The following BAHCC1 variants were observed in gnomAD, a reference collection of about 807,000 sequenced individuals.
The protein encoded by BAHCC1 is BAH and coiled-coil domain-containing protein 1.
Under a neutral mutation model 88.2 loss-of-function variants are expected in BAHCC1, and 43 were observed. The ratio of observed to expected loss-of-function variants is 0.49; its 90% CI spans 0.38 to 0.63. The LOEUF (loss-of-function observed/expected upper bound fraction) is 0.63. Ranked by LOEUF, BAHCC1 falls within the 20% of genes least tolerant of loss-of-function variation. The pLI is 0.00. For synonymous variants in BAHCC1, 1,510 were observed against 745.5 expected (o/e 2.03, Z -16.71); for missense variants, 3,023 against 1,654.8 (o/e 1.83, Z -14.34).
Position 81,458,265 on chromosome 17 carries a change from G to C in BAHCC1, c.5142G>C (p.Arg1714Ser), listed in dbSNP as rs370941292. 1.3e-6 allele frequency: 1 copy of C among 745,922 alleles called. No individual in the cohort carries two copies. The highest frequency in any genetic ancestry group is 1.7e-5 in the African/African-American group (1 of 58,416). The allele number at this position is 745,922 out of a possible 1,614,324, so 46.2% of individuals were successfully genotyped here. The change falls in exon 18 of 28, where the codon AGG (arginine) becomes AGC (serine). Residue 1714 changes from arginine to serine, a missense_variant. Coordinates refer to ENST00000675386, the MANE Select transcript of BAHCC1 (RefSeq NM_001377448.1). ...GTTLERAPGQ[R>S]PPGALGKKKA... ...CCCTGGAGCGGGCCCCAGGGCAGAGGCCCCCAGGTGCGCTGGGCAAGAAGA... is the reference window on the plus strand; with the variant it reads ...CCCTGGAGCGGGCCCCAGGGCAGAGCCCCCCAGGTGCGCTGGGCAAGAAGA...
rs373674056 is a variant in BAHCC1, at chr17:81,461,608, C to T, written c.6945C>T (p.Ser2315=). Residue 2315 remains serine, a synonymous_variant, in exon 26 of 28, where the codon TCC becomes TCT. Transcript: ENST00000675386. ...CCTCCCGCTTCCTCGCCCGCCTGTC[C>T]GTGTCCTCTTCCTCCTCTGGCTCGT... ...GVPSRFLARL[S]VSSSSSGSST... 3.0e-5 allele frequency: 22 copies of T among 736,856 alleles called. No homozygotes were observed. The highest frequency in any genetic ancestry group is 1.7e-4 in the African/African-American group (10 of 58,200). The allele number at this position is 736,856 out of a possible 1,614,324, so 45.6% of individuals were successfully genotyped here.
chr17:81,451,858 C>G lies in BAHCC1; in HGVS notation c.4167C>G (p.Pro1389=), dbSNP rs1555655872. 6.7e-6 allele frequency: 5 copies of G among 741,942 alleles called. No homozygotes were observed. The highest frequency in any genetic ancestry group is 1.4e-5 in the South Asian group (1 of 70,914). 46.0% of individuals were successfully genotyped at this position (741,942 alleles called of 1,614,324 possible). The change falls in exon 12 of 28, where the codon CCC becomes CCG. Residue 1389 remains proline, a synonymous_variant. Transcript: ENST00000675386. ...QILQRKDTWT[P]KTKPVCPLKA... ...TGCAGCGCAAGGACACCTGGACCCC[C>G]AAGACCAAGCCTGTGAGTGGAGGTC...
intron 2 of BAHCC1, among the ~76,000 whole-genome samples, chr17:81,419,702 G>A (rs962614264): frequency 3.9e-5 from 6 of 152,198 alleles, no homozygotes; most frequent in African/African-American, 1.2e-4. Context: ...CCAGCAGCCC[G>A]GCAGCTGGGC....
chr17:81,425,770 G>C (rs111211160), intron 2 of BAHCC1, among the ~76,000 whole-genome samples: 2,478 of 139,910 alleles, frequency 0.018, 41 homozygotes, highest in African/African-American at 0.04. Context: ...TGGTGGTGAT[G>C]TGGTTGGTGA....
In BAHCC1 at chr17:81,444,843, C is replaced by T. The variant is rs1555653886; in HGVS notation, c.2671+17C>T. 1 of 768,972 alleles carries T rather than the reference C, an allele frequency of 1.3e-6. No individual in the cohort carries two copies. The allele number at this position is 768,972 out of a possible 1,614,324, so 47.6% of individuals were successfully genotyped here. A position where few individuals can be genotyped will look rare whatever the true frequency, so the allele number is the denominator to read the frequency against. On this transcript the variant is annotated intron_variant, in intron 8 of 27. Coordinates refer to ENST00000675386, the MANE Select transcript of BAHCC1 (RefSeq NM_001377448.1). ...ACGCACTTGGTAAGGGCCCCTGGTC[C>T]AGGCTGCTGTACTTGGGGGGTGCTG... is the stretch of plus-strand genomic sequence containing the variant.
chr17:81,400,724 G>A (rs2063805445), intron 2 of BAHCC1: 1 of 153,652 alleles, frequency 6.5e-6, no homozygotes, highest in African/African-American at 2.4e-5. Flanking sequence ...TCGCAGGGAC[G>A]GATCCTCTCG....
At chr17:81,400,065 C>G in intron 2 of BAHCC1, 148 bp downstream of exon 2, 1 of 738,958 alleles carries the variant, frequency 1.4e-6, no homozygotes, top group Non-Finnish European at 1.8e-6. Context: ...CGGGGCCGCG[C>G]GTCCCGCCAG....
Position 81,443,187 on chromosome 17 carries a change from T to C in BAHCC1, c.1838T>C (p.Leu613Pro), listed in dbSNP as rs1555653201. Residue 613 changes from leucine (L) to proline (P), a missense_variant, in exon 5 of 28, where the codon CTG (leucine) becomes CCG (proline). Transcript: ENST00000675386. ...TACCTGGACCCCTTTGGCAGTGGCC[T>C]GCAGCAGGCGGCTCTTCTGCCCCAG... ...GAYLDPFGSG[L>P]QQAALLPQEL... 1 of 779,234 alleles carries C rather than the reference T, an allele frequency of 1.3e-6. No individual in the cohort carries two copies. The highest frequency in any genetic ancestry group is 2.4e-6 in the Non-Finnish European group (1 of 417,812). The allele number at this position is 779,234 out of a possible 1,614,324, so 48.3% of individuals were successfully genotyped here. A position where few individuals can be genotyped will look rare whatever the true frequency, so the allele number is the denominator to read the frequency against.
Position 81,444,833 on chromosome 17 carries a change from G to T in BAHCC1, c.2671+7G>T. 1.3e-6 allele frequency: 1 copy of T among 772,240 alleles called. No homozygotes were observed. The allele number at this position is 772,240 out of a possible 1,614,324, so 47.8% of individuals were successfully genotyped here. On this transcript the variant is annotated splice_region_variant and intron_variant, in intron 8 of 27. Transcript: ENST00000675386. ...AGCGCCCCCCACGCACTTGGTAAGG[G>T]CCCCTGGTCCAGGCTGCTGTACTTG...
rs1347773596 is a variant in BAHCC1, at chr17:81,399,229, C to T, written c.-206-305C>T. 5 of 421,640 alleles carry T rather than the reference C, an allele frequency of 1.2e-5. No homozygotes were observed. Among genetic ancestry groups the T allele is most frequent in the Non-Finnish European group, 1.9e-5 (4 of 210,610 alleles). 26.1% of individuals were successfully genotyped at this position (421,640 alleles called of 1,614,324 possible). Reference sequence around the variant, plus strand: ...CCAGCAGCCTCTTCGCCGCGGCGCCCTAGCTGCAGGGACCCGCGGGGACGA... The same window carrying T: ...CCAGCAGCCTCTTCGCCGCGGCGCCTTAGCTGCAGGGACCCGCGGGGACGA... On this transcript the variant is annotated intron_variant, in intron 1 of 27. Transcript: ENST00000675386. The surrounding 1 kb of genome is among the most constrained non-coding windows in gnomAD (Gnocchi z 4.5).
chr17:81,459,743 A>C, intron 23 of BAHCC1, 139 bp downstream of exon 23: 1 of 332,104 alleles, frequency 3.0e-6, no homozygotes, highest in Non-Finnish European at 6.1e-6. Flanking sequence ...CAATAAAATG[A>C]GCTCCCCAGG....
At position 81,399,684 on chromosome 17, in the gene BAHCC1, G is replaced by A. The variant is rs1555645650; in HGVS notation, c.-56G>A. On this transcript the variant is annotated 5_prime_UTR_variant, in exon 2 of 28. Transcript: ENST00000675386. The surrounding 1 kb of genome is among the most constrained non-coding windows in gnomAD (Gnocchi z 4.5). ...GCCGCCCGCGCGCCGAGCCGCCCCC[G>A]GGCCCCGGCCGCGCTGCTCCGAGGA... is the stretch of plus-strand genomic sequence containing the variant. 4 of 986,472 alleles carry A rather than the reference G, an allele frequency of 4.1e-6. No individual in the cohort carries two copies. Among genetic ancestry groups the A allele is most frequent in the African/African-American group, 1.8e-5 (1 of 56,532 alleles). The allele number at this position is 986,472 out of a possible 1,614,324, so 61.1% of individuals were successfully genotyped here.
Position 81,460,724 on chromosome 17 carries a change from C to T in BAHCC1, c.6202+18C>T, listed in dbSNP as rs1555658983. ...CAAAGCTGGTATTTTACCGGACTTC[C>T]CAGAATCCGGATCGGGGAAGGCACC... On this transcript the variant is annotated intron_variant, in intron 25 of 27. Coordinates refer to ENST00000675386, the MANE Select transcript of BAHCC1 (RefSeq NM_001377448.1). 3 of 775,458 alleles carry T rather than the reference C, an allele frequency of 3.9e-6. No individual in the cohort carries two copies. Among genetic ancestry groups the T allele is most frequent in the Non-Finnish European group, 7.2e-6 (3 of 415,996 alleles). 48.0% of individuals were successfully genotyped at this position (775,458 alleles called of 1,614,324 possible).
In BAHCC1 at chr17:81,458,327, A is replaced by G. The variant is rs2029913086; in HGVS notation, c.5204A>G (p.Glu1735Gly). ...AAGGCCAAGGGCAGCCTGCGGGCAG[A>G]GCCGGGGGCCACCCCCAGCAGGGAC... is the stretch of plus-strand genomic sequence containing the variant. ...KGKAKGSLRA[E>G]PGATPSRDAL... Residue 1735 changes from glutamate to glycine, a missense_variant, in exon 18 of 28, where the codon GAG (glutamate) becomes GGG (glycine). Physicochemically the swap from Glu to Gly is moderately conservative, Grantham distance 98. Coordinates refer to ENST00000675386, the MANE Select transcript of BAHCC1 (RefSeq NM_001377448.1). 1.3e-6 allele frequency: 1 copy of G among 742,698 alleles called. No homozygotes were observed. Among genetic ancestry groups the G allele is most frequent in the African/African-American group, 1.7e-5 (1 of 58,398 alleles). The allele number at this position is 742,698 out of a possible 1,614,324, so 46.0% of individuals were successfully genotyped here. A position where few individuals can be genotyped will look rare whatever the true frequency, so the allele number is the denominator to read the frequency against.
chr17:81,405,583 C>T (rs2063868142), intron 2 of BAHCC1, among the ~76,000 whole-genome samples: 1 of 152,150 alleles, frequency 6.6e-6, no homozygotes, highest in South Asian at 2.1e-4. Flanking sequence ...GCTCCAGGGT[C>T]TGAGCCCGAG....
At chr17:81,439,384 G>A (rs1279101164) in intron 4 of BAHCC1, among the ~76,000 whole-genome samples, 2 of 152,060 alleles carry the variant, frequency 1.3e-5, no homozygotes, top group African/African-American at 4.8e-5. Flanking sequence ...GAGATTGGGG[G>A]CAGGGAGGGA....
intron 3 of BAHCC1, among the ~76,000 whole-genome samples, chr17:81,431,416 G>A (rs1271173944): frequency 1.1e-4 from 16 of 152,322 alleles, no homozygotes; most frequent in African/African-American, 3.8e-4. Flanking sequence ...GTTTCATCCC[G>A]TGGCCATGGT....
At position 81,460,995 on chromosome 17, in the gene BAHCC1, C is replaced by T. The variant is rs782757376; in HGVS notation, c.6332C>T (p.Ala2111Val). Reference sequence around the variant, plus strand: ...CAGACCAAGCGGAAGGCGGTGGCAGCGGCCAGCAAGGGGCCGGGGGTGCTG... The same window carrying T: ...CAGACCAAGCGGAAGGCGGTGGCAGTGGCCAGCAAGGGGCCGGGGGTGCTG... ...VAQTKRKAVA[A>V]ASKGPGVLQN... The change falls in exon 26 of 28, where the codon GCG becomes GTG. Residue 2111 changes from alanine (A) to valine (V), a missense_variant. Physicochemically the swap from Ala to Val is moderately conservative, Grantham distance 64 (BLOSUM62 0). Transcript: ENST00000675386. 1.9e-5 allele frequency: 15 copies of T among 772,904 alleles called. No homozygotes were observed. Among genetic ancestry groups the T allele is most frequent in the Admixed American group, 6.8e-5 (4 of 58,858 alleles). The allele number at this position is 772,904 out of a possible 1,614,324, so 47.9% of individuals were successfully genotyped here.
chr17:81,402,436 G>A (rs1268879817), intron 2 of BAHCC1: 5 of 152,228 alleles, frequency 3.3e-5, no homozygotes, highest in Admixed American at 6.5e-5. Flanking sequence ...CTAGTTTAGA[G>A]AGAAAAAAGC....
Sources: gnomAD v4.1 joint callset for allele counts (sites outside exome capture counted in the v4.1 genomes callset) on GRCh38, gnomAD v4.1.1 for gene constraint, Gnocchi (gnomAD v3.1) non-coding constraint, MANE v1.5 for transcripts, NCBI Gene and HGNC (gene_info 2026-07-23, HGNC 2026-07-21) for gene names.